Variants in DMTF1 observed in about 807,000 individuals in gnomAD.
DMTF1 encodes cyclin D binding myb like transcription factor 1, also known as cyclin-D-binding Myb-like transcription factor 1.
Under a neutral mutation model 91.1 loss-of-function variants are expected in DMTF1, and 39 were observed. The observed-to-expected ratio is 0.43, with a 90% CI of 0.33 to 0.56. The LOEUF (loss-of-function observed/expected upper bound fraction) is 0.56. Ranked by LOEUF, DMTF1 falls within the 20% of genes least tolerant of loss-of-function variation. DMTF1 has a pLI of 0.05. For missense variants in DMTF1, 750 were observed against 914.5 expected, an observed-to-expected ratio of 0.82 and a Z score of 2.32; for synonymous variants, 338 against 309.5, an observed-to-expected ratio of 1.09 and a Z score of -0.97.
intron 3 of DMTF1, 97 bp from the exon 4 acceptor site, chr7:87,166,386 A>G (rs1793830199): frequency 2.0e-5 from 26 of 1,315,398 alleles, no homozygotes; most frequent in Middle Eastern, 2.5e-4. Context: ...TGGTAAGAAA[A>G]TTTTTTTAAT....
intron 1 of DMTF1, among the ~76,000 whole-genome samples, chr7:87,157,071 T>G (rs1411175285): frequency 2.0e-5 from 3 of 151,934 alleles, no homozygotes; most frequent in Non-Finnish European, 2.9e-5. Context: ...GACTTGCAAA[T>G]CACATAGAAA....
intron 3 of DMTF1, among the ~76,000 whole-genome samples, chr7:87,165,744 T>A (rs1004874543): frequency 3.3e-5 from 5 of 152,236 alleles, no homozygotes. Flanking sequence ...TTCTCTTTTT[T>A]CCTTTCTCTG....
chr7:87,152,460 C>G lies in DMTF1; in HGVS notation c.-227C>G, dbSNP rs910928569. On this transcript the variant is annotated 5_prime_UTR_variant, in exon 1 of 18. Coordinates refer to ENST00000331242, the MANE Select transcript of DMTF1 (RefSeq NM_001142327.2). ...GGCTCGTCGCGCTCGCTCACTCCAG[C>G]TGCAGCCACTCTCGCCCGTGGCTGC... 6.5e-6 allele frequency: 1 copy of G among 153,848 alleles called. No homozygotes were observed. The highest frequency in any genetic ancestry group is 2.1e-4 in the South Asian group (1 of 4,878). The allele number at this position is 153,848 out of a possible 1,614,324, so 9.5% of individuals were successfully genotyped here.
intron 8 of DMTF1, 46 bp from the exon 9 acceptor site, chr7:87,181,263 A>T (rs749671877): frequency 1.1e-6 from 1 of 890,704 alleles, no homozygotes; most frequent in South Asian, 1.4e-5. Context: ...GGTTTTTAGC[A>T]TTCATTGTTT....
rs374476777 is a variant in DMTF1, at chr7:87,194,661, A to T, written c.2029-23A>T. ...AAGACTAGTAAGAATATGAGTCAAT[A>T]TTTTTTTTTTAATGTTATTTAGGGT... On this transcript the variant is annotated intron_variant, in intron 16 of 17. Coordinates refer to ENST00000331242, the MANE Select transcript of DMTF1 (RefSeq NM_001142327.2). 8.1e-6 allele frequency: 11 copies of T among 1,355,646 alleles called. No individual in the cohort carries two copies. In the Admixed American group the frequency reaches 9.5e-5, roughly 12 times the overall value. 84.0% of individuals were successfully genotyped at this position (1,355,646 alleles called of 1,614,324 possible).
chr7:87,165,431 C>T (rs1793610551), intron 3 of DMTF1, among the ~76,000 whole-genome samples: 1 of 152,152 alleles, frequency 6.6e-6, no homozygotes, highest in South Asian at 2.1e-4. Flanking sequence ...TGGTGATCTA[C>T]AATGAATTAA....
intron 14 of DMTF1, among the ~76,000 whole-genome samples, chr7:87,191,468 CA>C (rs1408390459): frequency 2.0e-5 from 3 of 152,086 alleles, no homozygotes; most frequent in African/African-American, 4.8e-5. Flanking sequence ...GCACAGTTAC[CA>C]AAGGATCCAC....
chr7:87,159,937 C>G (rs6944648), intron 1 of DMTF1, among the ~76,000 whole-genome samples: 1 of 152,246 alleles, frequency 6.6e-6, no homozygotes, highest in Non-Finnish European at 1.5e-5. Context: ...CAAAATGTTA[C>G]GTGTTACATG....
At chr7:87,194,428 C>T (rs1800716530) in intron 16 of DMTF1, 7 of 487,728 alleles carry the variant, frequency 1.4e-5, no homozygotes. Flanking sequence ...GGAACATCAT[C>T]CTACACTGTA....
chr7:87,192,912 T>G, intron 14 of DMTF1: 2 of 272,094 alleles, frequency 7.4e-6, no homozygotes, highest in East Asian at 6.4e-5. Context: ...AGAGGGGTGA[T>G]TGGGTGTTGT....
intron 4 of DMTF1, among the ~76,000 whole-genome samples, chr7:87,169,334 C>T (rs1297989690): frequency 1.3e-5 from 2 of 152,066 alleles, no homozygotes; most frequent in African/African-American, 4.8e-5. Flanking sequence ...TGGTGCACGC[C>T]TGTAATCTCA....
chr7:87,171,547 A>G (rs1349262438), intron 5 of DMTF1, among the ~76,000 whole-genome samples: 1 of 152,120 alleles, frequency 6.6e-6, no homozygotes, highest in Non-Finnish European at 1.5e-5. Context: ...AGCTTGAAAA[A>G]CAATTAGAAA....
chr7:87,185,038 A>G (rs1347797626), intron 11 of DMTF1: 1 of 358,680 alleles, frequency 2.8e-6, no homozygotes, highest in Non-Finnish European at 5.5e-6. Context: ...GATTGCCAAG[A>G]AGGGGGCCCA....
intron 16 of DMTF1, 40 bp downstream of exon 16, chr7:87,194,142 T>G (rs773383925): frequency 2.6e-6 from 4 of 1,515,082 alleles, no homozygotes; most frequent in African/African-American, 1.4e-5. Context: ...GATTCTTGCC[T>G]TGAGCCTCAA....
Position 87,195,345 on chromosome 7 carries a change from TGAGTG to T in DMTF1, c.*209_*213del, listed in dbSNP as rs1801035072. On this transcript the variant is annotated 3_prime_UTR_variant, in exon 18 of 18. Coordinates refer to ENST00000331242, the MANE Select transcript of DMTF1 (RefSeq NM_001142327.2). ...GTTGAGTTTTATGACAGTATGTAGT[TGAGTG>T]GAGGCTGGGAGTTTTAAGCATAAAT... 2 of 436,002 alleles carry T rather than the reference TGAGTG, an allele frequency of 4.6e-6. No individual in the cohort carries two copies. Among genetic ancestry groups the T allele is most frequent in the South Asian group, 8.8e-5 (2 of 22,732 alleles). The allele number at this position is 436,002 out of a possible 1,614,324, so 27.0% of individuals were successfully genotyped here.
At chr7:87,179,494 C>T in intron 7 of DMTF1, 51 bp from the exon 8 acceptor site, 2 of 1,414,108 alleles carry the variant, frequency 1.4e-6, no homozygotes, top group Non-Finnish European at 9.3e-7. Context: ...ATAGTATATC[C>T]ATATGCATTT....
At chr7:87,156,128 T>C (rs1249558872) in intron 1 of DMTF1, among the ~76,000 whole-genome samples, 2 of 152,212 alleles carry the variant, frequency 1.3e-5, no homozygotes, top group African/African-American at 4.8e-5. Flanking sequence ...GTACTCAGTT[T>C]TGAAAGGATG....
intron 15 of DMTF1, 37 bp downstream of exon 15, chr7:87,193,390 T>C (rs755972907): frequency 5.6e-6 from 9 of 1,607,036 alleles, no homozygotes; most frequent in Non-Finnish European, 7.7e-6. Flanking sequence ...TGAGTACCTG[T>C]TATAGACCAG....
At chr7:87,155,224 T>A (rs187055952) in intron 1 of DMTF1, among the ~76,000 whole-genome samples, 1 of 152,344 alleles carries the variant, frequency 6.6e-6, no homozygotes, top group African/African-American at 2.4e-5. Flanking sequence ...CATCTGTCTG[T>A]TGCAAAGACA....
Sources: allele counts gnomAD v4.1 joint callset (sites outside exome capture counted in the v4.1 genomes callset), GRCh38; gene constraint gnomAD v4.1.1; transcripts MANE v1.5; gene names NCBI Gene and HGNC (gene_info 2026-07-23, HGNC 2026-07-21).